RANBP17: variants seen among roughly 807,000 people sequenced by gnomAD.
RANBP17 encodes ran-binding protein 17.
RANBP17 carries 158 observed loss-of-function variants against 141.2 expected under a neutral mutation model. The observed-to-expected ratio is 1.12, with a 90% confidence interval of 0.98 to 1.28. The LOEUF is 1.28. Ranked by LOEUF, RANBP17 falls within the 50% of genes most tolerant of loss-of-function variation. The pLI is 0.00. For missense variants in RANBP17, 1,438 were observed against 1,290.7 expected (o/e 1.11, Z -1.75); for synonymous variants, 430 against 450.0 (o/e 0.96, Z 0.56).
chr5:171,234,529 A>G (rs1012778615), intron 22 of RANBP17, among the ~76,000 whole-genome samples: 5 of 152,232 alleles, frequency 3.3e-5, no homozygotes, highest in Admixed American at 3.3e-4. Flanking sequence ...CAGATAGGAC[A>G]ATATTGCAGT....
At chr5:171,249,565 TTAAA>T (rs777382959) in intron 24 of RANBP17, among the ~76,000 whole-genome samples, 1 of 152,010 alleles carries the variant, frequency 6.6e-6, no homozygotes, top group African/African-American at 2.4e-5. Context: ...CCAAAGAGAT[TTAAA>T]TAAATAAATA....
rs539234824 is a variant in RANBP17, at chr5:171,084,231, G to A, written c.1711-85899G>A. 1.4e-4 allele frequency among the ~76,000 whole-genome samples: 21 copies of A among 149,654 alleles called. No individual in the cohort carries two copies. The South Asian group carries it at 2.2e-3, about 15-fold the overall frequency. ...GCAGTGTTTGTTTTTTTGTTCTTGC[G>A]ATAGTTTACTGAGAATGATGATTTC... On this transcript the variant is annotated intron_variant, in intron 14 of 27. Coordinates refer to ENST00000523189, the MANE Select transcript of RANBP17 (RefSeq NM_022897.5).
intron 14 of RANBP17, among the ~76,000 whole-genome samples, chr5:171,136,406 T>G (rs935274981): frequency 7.3e-5 from 11 of 151,302 alleles, no homozygotes; most frequent in African/African-American, 2.7e-4. Context: ...TTTTCTCACC[T>G]TTTTTTTTCT....
At chr5:171,239,587 G>A (rs946833540) in intron 22 of RANBP17, among the ~76,000 whole-genome samples, 1 of 152,178 alleles carries the variant, frequency 6.6e-6, no homozygotes. Context: ...CAGCCCTCCT[G>A]AAATAATGGC....
At chr5:170,940,818 G>A (rs373853066) in intron 12 of RANBP17, among the ~76,000 whole-genome samples, 2 of 151,724 alleles carry the variant, frequency 1.3e-5, no homozygotes, top group Admixed American at 6.6e-5. Context: ...GGCACATGGC[G>A]TGTTTTAAAA....
At chr5:171,088,127 G>T (rs1199005633) in intron 14 of RANBP17, among the ~76,000 whole-genome samples, 1 of 151,800 alleles carries the variant, frequency 6.6e-6, no homozygotes, top group Non-Finnish European at 1.5e-5. Context: ...CATGTTTAGT[G>T]CTTCCTTCAG....
intron 14 of RANBP17, among the ~76,000 whole-genome samples, chr5:171,124,892 A>G (rs1756316650): frequency 6.6e-6 from 1 of 152,252 alleles, no homozygotes; most frequent in East Asian, 1.9e-4. Flanking sequence ...TAAACTGTTT[A>G]AATTCCTCCA....
chr5:171,222,846 C>T (rs1327515735), intron 22 of RANBP17, among the ~76,000 whole-genome samples: 4 of 152,082 alleles, frequency 2.6e-5, no homozygotes, highest in African/African-American at 9.7e-5. Context: ...CCAGGCTGGT[C>T]TTGAACTCCT....
intron 14 of RANBP17, among the ~76,000 whole-genome samples, chr5:171,079,438 T>C (rs1449698218): frequency 6.6e-6 from 1 of 152,222 alleles, no homozygotes; most frequent in African/African-American, 2.4e-5. Flanking sequence ...TGACTCCAGT[T>C]TTGAAAGTCG....
chr5:171,191,911 A>G (rs1396151585), intron 18 of RANBP17, among the ~76,000 whole-genome samples: 1 of 152,198 alleles, frequency 6.6e-6, no homozygotes, highest in African/African-American at 2.4e-5. Flanking sequence ...GGGGCAGTGA[A>G]AGAAAATGAG....
At chr5:170,881,686 G>A in intron 2 of RANBP17, 120 bp from the exon 3 acceptor site, 1 of 603,296 alleles carries the variant, frequency 1.7e-6, no homozygotes, top group Non-Finnish European at 2.8e-6. Flanking sequence ...TTTATCTATT[G>A]TAAATTTGCC....
chr5:171,177,485 C>T lies in RANBP17; in HGVS notation c.1866-5682C>T, dbSNP rs1410064594. On this transcript the variant is annotated intron_variant, in intron 16 of 27. Coordinates refer to ENST00000523189, the MANE Select transcript of RANBP17 (RefSeq NM_022897.5). ...GCTAACTTCCTGATACTCCATTAGA[C>T]CACAATTTGTACTTTATACTTGGGC... 2.6e-5 allele frequency among the ~76,000 whole-genome samples: 4 copies of T among 152,126 alleles called. No individual in the cohort carries two copies. In the South Asian group the frequency reaches 6.2e-4, roughly 24 times the overall value.
chr5:171,227,898 A>G (rs1399910414), intron 22 of RANBP17, among the ~76,000 whole-genome samples: 1 of 152,192 alleles, frequency 6.6e-6, no homozygotes, highest in Non-Finnish European at 1.5e-5. Flanking sequence ...AGCATGCTTT[A>G]CTGACCACTT....
At chr5:170,987,982 T>C (rs1396632514) in intron 14 of RANBP17, among the ~76,000 whole-genome samples, 1 of 151,344 alleles carries the variant, frequency 6.6e-6, no homozygotes, top group African/African-American at 2.4e-5. Flanking sequence ...TTGTGAGAAT[T>C]ATATTTTGTT....
At chr5:170,921,744 A>G (rs1417778203) in intron 11 of RANBP17, among the ~76,000 whole-genome samples, 1 of 152,090 alleles carries the variant, frequency 6.6e-6, no homozygotes, top group Non-Finnish European at 1.5e-5. Flanking sequence ...ATCAAGGTTC[A>G]TAGCTTCCTT....
chr5:171,161,414 G>A lies in RANBP17; in HGVS notation c.1711-8716G>A, dbSNP rs568793932. ...AAACTTTGTGCTTTTTAGGTTGTAC[G>A]CCTGAGGAGTGATGTACCCAGAGTT... On this transcript the variant is annotated intron_variant, in intron 14 of 27. Coordinates refer to ENST00000523189, the MANE Select transcript of RANBP17 (RefSeq NM_022897.5). The A allele has an allele frequency of 9.5e-5, 19 of 199,360 alleles. No individual in the cohort carries two copies. In the South Asian group the frequency reaches 3.3e-3, roughly 34 times the overall value. The allele number at this position is 199,360 out of a possible 1,614,324, so 12.3% of individuals were successfully genotyped here.
In RANBP17 at chr5:171,084,612, C is replaced by T. The variant is rs1785506889; in HGVS notation, c.1711-85518C>T. On this transcript the variant is annotated intron_variant, in intron 14 of 27. Coordinates refer to ENST00000523189, the MANE Select transcript of RANBP17 (RefSeq NM_022897.5). ...AAGTGTTCCTATTTCTCCACATCCTCTCCAGCACCTGTTGTTTCCTGACTT... is the reference window on the plus strand; with the variant it reads ...AAGTGTTCCTATTTCTCCACATCCTTTCCAGCACCTGTTGTTTCCTGACTT... 4.6e-5 allele frequency among the ~76,000 whole-genome samples: 2 copies of T among 43,358 alleles called. 1 individual carries two copies. The highest frequency in any genetic ancestry group is 1.0e-4 in the Non-Finnish European group (2 of 19,816). 28.4% of individuals were successfully genotyped at this position (43,358 alleles called of 152,430 possible). A position where few individuals can be genotyped will look rare whatever the true frequency, so the allele number is the denominator to read the frequency against.
intron 24 of RANBP17, among the ~76,000 whole-genome samples, chr5:171,248,190 C>A (rs545347416): frequency 6.6e-6 from 1 of 152,088 alleles, no homozygotes; most frequent in Non-Finnish European, 1.5e-5. Flanking sequence ...CACGGTGAAA[C>A]CTCGTCTCTA....
intron 24 of RANBP17, among the ~76,000 whole-genome samples, chr5:171,248,036 T>C (rs1275887317): frequency 2.0e-5 from 3 of 152,146 alleles, no homozygotes; most frequent in Non-Finnish European, 4.4e-5. Context: ...ATACCTCGAA[T>C]AGAACATCTA....
Sources: gnomAD v4.1 joint callset for allele counts (sites outside exome capture counted in the v4.1 genomes callset) on GRCh38, gnomAD v4.1.1 for gene constraint, MANE v1.5 for transcripts, NCBI Gene and HGNC (gene_info 2026-07-23, HGNC 2026-07-21) for gene names.